CNTN4: variants seen among roughly 807,000 people sequenced by gnomAD.
The protein encoded by CNTN4 is contactin 4.
Under a neutral mutation model 122.5 loss-of-function variants are expected in CNTN4, and 77 were observed. The ratio of observed to expected loss-of-function variants is 0.63; its 90% CI spans 0.52 to 0.76. The LOEUF (loss-of-function observed/expected upper bound fraction) is 0.76. Among genes scored for constraint, CNTN4 ranks in the 30% least tolerant of loss-of-function variants. The probability of loss-of-function intolerance (pLI) is 0.00; values close to 1 mark genes in which losing one functional copy is unlikely to be tolerated. For synonymous variants in CNTN4, 512 were observed against 447.0 expected (o/e 1.15, Z -1.83); for missense variants, 1,256 against 1,259.1 (o/e 1.00, Z 0.04).
At chr3:2,342,561 G>T (rs6807432) in intron 3 of CNTN4, among the ~76,000 whole-genome samples, 16,695 of 152,118 alleles carry the variant, frequency 0.11, 1,000 homozygotes, top group Middle Eastern at 0.13. Flanking sequence ...GAGCCGGTGG[G>T]AGGTAAATGA....
At position 2,244,452 on chromosome 3, in the gene CNTN4, A is replaced by G. The variant is rs149423214; in HGVS notation, c.-144-94726A>G. ...GAAATGGAAATGTGTGCCCAAAGTG[A>G]TATGTGCTGTAAGTGAAAAATGAAC... is the stretch of plus-strand genomic sequence containing the variant. On this transcript the variant is annotated intron_variant, in intron 2 of 24. Coordinates refer to ENST00000418658, the MANE Select transcript of CNTN4 (RefSeq NM_175607.3). Among the ~76,000 whole-genome samples, 362 of 152,194 alleles carry G rather than the reference A, an allele frequency of 2.4e-3. 1 individual carries two copies. Among genetic ancestry groups the G allele is most frequent in the South Asian group, 7.7e-3 (37 of 4,828 alleles).
chr3:2,632,246 G>A (rs749481680), intron 4 of CNTN4, among the ~76,000 whole-genome samples: 10 of 152,068 alleles, frequency 6.6e-5, no homozygotes, highest in Non-Finnish European at 1.2e-4. Flanking sequence ...CTTATTTAGA[G>A]TCTCATTTCT....
chr3:2,614,906 C>T (rs961387537), intron 4 of CNTN4, among the ~76,000 whole-genome samples: 1 of 152,010 alleles, frequency 6.6e-6, no homozygotes, highest in Non-Finnish European at 1.5e-5. Context: ...TTCCACAGAG[C>T]CTTCTAAAGT....
At chr3:2,591,339 A>G (rs1576128657) in intron 4 of CNTN4, among the ~76,000 whole-genome samples, 1 of 148,550 alleles carries the variant, frequency 6.7e-6, no homozygotes, top group Admixed American at 6.8e-5. Flanking sequence ...TTGAAGAACT[A>G]GTAGATTTGT....
intron 7 of CNTN4, among the ~76,000 whole-genome samples, chr3:2,823,630 C>T (rs1055874852): frequency 1.3e-5 from 2 of 152,162 alleles, no homozygotes; most frequent in Non-Finnish European, 2.9e-5. Flanking sequence ...CCAGAATGTC[C>T]ACTTTGCTTT....
At chr3:2,553,701 T>A (rs1397272961) in intron 3 of CNTN4, among the ~76,000 whole-genome samples, 1 of 152,172 alleles carries the variant, frequency 6.6e-6, no homozygotes, top group Non-Finnish European at 1.5e-5. Flanking sequence ...ATATGAACAC[T>A]GGGTTTCAAA....
At chr3:2,900,576 G>C in intron 10 of CNTN4, 109 bp from the exon 11 acceptor site, 1 of 1,274,988 alleles carries the variant, frequency 7.8e-7, no homozygotes, top group Non-Finnish European at 1.1e-6. Flanking sequence ...ATAACATCTG[G>C]AAAAGGAATT....
chr3:2,900,876 C>A (rs927688752), intron 11 of CNTN4, 55 bp downstream of exon 11: 10 of 1,593,714 alleles, frequency 6.3e-6, no homozygotes, highest in African/African-American at 1.3e-5. Flanking sequence ...TTTAATATAG[C>A]CTCATTGCCG....
At chr3:2,481,061 C>CTTTCTT (rs773311259) in intron 3 of CNTN4, among the ~76,000 whole-genome samples, 5 of 110,802 alleles carry the variant, frequency 4.5e-5, no homozygotes, top group Non-Finnish European at 8.0e-5. Context: ...TTCTTTCTTT[C>CTTTCTT]TCTCTTTCTC....
intron 12 of CNTN4, among the ~76,000 whole-genome samples, chr3:2,924,846 A>G (rs2094458272): frequency 6.6e-6 from 1 of 152,194 alleles, no homozygotes; most frequent in Non-Finnish European, 1.5e-5. Context: ...GAGACAGTTC[A>G]GCATGTTCTC....
chr3:2,454,778 CAGTA>C (rs538079464), intron 3 of CNTN4, among the ~76,000 whole-genome samples: 25 of 151,872 alleles, frequency 1.6e-4, no homozygotes, highest in Middle Eastern at 3.4e-3. Flanking sequence ...ATTTGATACT[CAGTA>C]AGTATTTCAT....
At chr3:2,342,189 C>CT (rs58376468) in intron 3 of CNTN4, among the ~76,000 whole-genome samples, 4,597 of 151,998 alleles carry the variant, frequency 0.03, 154 homozygotes, top group African/African-American at 0.086. Flanking sequence ...TCTCTGACCT[C>CT]TTTTTTTTAC....
At position 2,748,655 on chromosome 3, in the gene CNTN4, C is replaced by T. The variant is rs1444296679; in HGVS notation, c.358+2958C>T. The stretch of plus-strand genomic sequence containing the variant: ...TATAATCGAACTCCAATTTCATCCA[C>T]GTGTTTTTAAAGTAGTGAGAATCTT... On this transcript the variant is annotated intron_variant, in intron 6 of 24. Transcript: ENST00000418658. Among the ~76,000 whole-genome samples, 11 of 152,288 alleles carry T rather than the reference C, an allele frequency of 7.2e-5. No individual in the cohort carries two copies. In the East Asian group the frequency reaches 2.1e-3, roughly 29 times the overall value.
chr3:2,283,413 A>G (rs1305058894), intron 2 of CNTN4, among the ~76,000 whole-genome samples: 2 of 152,120 alleles, frequency 1.3e-5, no homozygotes, highest in Non-Finnish European at 2.9e-5. Context: ...CATCTCCCCC[A>G]AAGTATAGGC....
At chr3:2,840,624 G>A (rs74526048) in intron 7 of CNTN4, among the ~76,000 whole-genome samples, 17,791 of 121,360 alleles carry the variant, frequency 0.15, 2,276 homozygotes, top group Non-Finnish European at 0.23. Flanking sequence ...GCGGGAACCC[G>A]GGAGGCGGAG....
At chr3:2,689,229 A>T (rs1266998094) in intron 4 of CNTN4, among the ~76,000 whole-genome samples, 1 of 152,172 alleles carries the variant, frequency 6.6e-6, no homozygotes, top group Non-Finnish European at 1.5e-5. Flanking sequence ...AAAATGGGGA[A>T]GGAGATCTAA....
chr3:2,296,803 AC>A (rs58971679), intron 2 of CNTN4, among the ~76,000 whole-genome samples: 4,018 of 73,068 alleles, frequency 0.055, 94 homozygotes, highest in African/African-American at 0.084. Context: ...AAAAAAAACA[AC>A]AAAAAACTAT....
intron 13 of CNTN4, among the ~76,000 whole-genome samples, chr3:2,938,963 T>C (rs984460395): frequency 6.6e-6 from 1 of 152,170 alleles, no homozygotes; most frequent in Non-Finnish European, 1.5e-5. Flanking sequence ...AGACAGGCAG[T>C]GCTTTGTGCC....
intron 4 of CNTN4, among the ~76,000 whole-genome samples, chr3:2,614,149 A>G (rs945955330): frequency 6.6e-6 from 1 of 152,142 alleles, no homozygotes; most frequent in African/African-American, 2.4e-5. Context: ...TCTCTGAGGA[A>G]GCAGAGTTTA....
Sources: allele counts gnomAD v4.1 joint callset (sites outside exome capture counted in the v4.1 genomes callset), GRCh38; gene constraint gnomAD v4.1.1; transcripts MANE v1.5; gene names NCBI Gene and HGNC (gene_info 2026-07-23, HGNC 2026-07-21).